The following ARHGEF28 variants were observed in gnomAD, a reference collection of about 807,000 sequenced individuals.
ARHGEF28 encodes Rho guanine nucleotide exchange factor 28.
A neutral mutation model predicts 206.6 loss-of-function variants in ARHGEF28; 152 were observed. The ratio of observed to expected loss-of-function variants is 0.74; its 90% CI spans 0.64 to 0.84. The LOEUF is 0.84. Among genes scored for constraint, ARHGEF28 ranks in the 40% least tolerant of loss-of-function variants. The pLI is 0.00. For synonymous variants in ARHGEF28, 763 were observed against 776.4 expected (o/e 0.98, Z 0.29); for missense variants, 2,028 against 2,073.2 (o/e 0.98, Z 0.42).
intron 9 of ARHGEF28, among the ~76,000 whole-genome samples, chr5:73,819,433 T>C (rs1244439539): frequency 6.6e-6 from 1 of 152,176 alleles, no homozygotes; most frequent in African/African-American, 2.4e-5. Context: ...GTCACAATGA[T>C]TGGCCTGGGT....
chr5:73,760,996 T>G (rs973088159), intron 4 of ARHGEF28, among the ~76,000 whole-genome samples: 1 of 152,118 alleles, frequency 6.6e-6, no homozygotes. Flanking sequence ...GAACGTAGAG[T>G]TGGATTCCGG....
chr5:73,817,039 C>T (rs6889010), intron 9 of ARHGEF28, among the ~76,000 whole-genome samples: 66,792 of 151,900 alleles, frequency 0.44, 14,779 homozygotes, highest in East Asian at 0.55. Flanking sequence ...TTGAAAAATA[C>T]AGGAATTAGG....
chr5:73,911,742 C>T, intron 35 of ARHGEF28, 167 bp downstream of exon 35: 1 of 734,374 alleles, frequency 1.4e-6, no homozygotes, highest in Non-Finnish European at 2.2e-6. Context: ...AGTCTGGGGA[C>T]AGCCTTTGCT....
chr5:73,755,636 T>A (rs903857840), intron 4 of ARHGEF28, among the ~76,000 whole-genome samples: 3 of 152,208 alleles, frequency 2.0e-5, no homozygotes, highest in African/African-American at 4.8e-5. Flanking sequence ...ACATTCATAC[T>A]CTCTAGTATT....
At chr5:73,748,288 A>G (rs1278587934) in intron 2 of ARHGEF28, among the ~76,000 whole-genome samples, 3 of 152,198 alleles carry the variant, frequency 2.0e-5, no homozygotes, top group Non-Finnish European at 4.4e-5. Flanking sequence ...TTATGTGTGC[A>G]CATACACACG....
At chr5:73,911,088 G>A (rs1296032258) in intron 34 of ARHGEF28, among the ~76,000 whole-genome samples, 187 bp from the exon 35 acceptor site, 1 of 152,158 alleles carries the variant, frequency 6.6e-6, no homozygotes, top group Non-Finnish European at 1.5e-5. Context: ...GCCATGCATA[G>A]CAAATTGAAG....
chr5:73,823,558 T>A (rs1259132528), intron 9 of ARHGEF28, among the ~76,000 whole-genome samples: 1 of 152,200 alleles, frequency 6.6e-6, no homozygotes, highest in Non-Finnish European at 1.5e-5. Context: ...GTTGTTGTAC[T>A]CTTAAACAAA....
chr5:73,933,557 A>G (rs1236482292), intron 35 of ARHGEF28, among the ~76,000 whole-genome samples: 1 of 152,242 alleles, frequency 6.6e-6, no homozygotes, highest in African/African-American at 2.4e-5. Context: ...GACTGTTGGA[A>G]TAACAGAACC....
In ARHGEF28 at chr5:73,867,873, C is replaced by T; in HGVS notation, c.2153-3C>T. 1.9e-6 allele frequency: 3 copies of T among 1,613,922 alleles called. No individual in the cohort carries two copies. Among genetic ancestry groups the T allele is most frequent in the Non-Finnish European group, 2.5e-6 (3 of 1,179,866 alleles). On this transcript the variant is annotated splice_polypyrimidine_tract_variant and splice_region_variant and intron_variant, in intron 18 of 35. Coordinates refer to ENST00000513042, the MANE Select transcript of ARHGEF28 (RefSeq NM_001177693.2). ...CACATGAAGCATCTGTTCTGATTTC[C>T]AGATTCTTCATTTAGAGACATCCCA...
chr5:73,755,389 C>T (rs1309871103), intron 4 of ARHGEF28, among the ~76,000 whole-genome samples: 1 of 152,052 alleles, frequency 6.6e-6, no homozygotes, highest in East Asian at 1.9e-4. Flanking sequence ...AAGAGCATCA[C>T]AGCCTCACGC....
At chr5:73,756,674 T>C (rs573038830) in intron 4 of ARHGEF28, among the ~76,000 whole-genome samples, 1 of 152,338 alleles carries the variant, frequency 6.6e-6, no homozygotes, top group East Asian at 1.9e-4. Flanking sequence ...TTTAGATTGG[T>C]AGGTCTTAAC....
chr5:73,708,480 T>A (rs902894231), intron 2 of ARHGEF28, among the ~76,000 whole-genome samples: 2 of 152,194 alleles, frequency 1.3e-5, no homozygotes, highest in African/African-American at 2.4e-5. Context: ...CTGCATTAAT[T>A]TGCTTAGGAT....
intron 2 of ARHGEF28, among the ~76,000 whole-genome samples, chr5:73,702,423 C>T (rs1188576729): frequency 1.3e-5 from 2 of 152,148 alleles, no homozygotes; most frequent in Non-Finnish European, 2.9e-5. Flanking sequence ...AGTGATAACT[C>T]CTCATCCTTC....
chr5:73,897,937 T>C, intron 29 of ARHGEF28, 25 bp from the exon 30 acceptor site: 1 of 1,548,154 alleles, frequency 6.5e-7, no homozygotes, highest in South Asian at 1.2e-5. Context: ...TTTTTTAGAT[T>C]TATTTTTGTT....
intron 16 of ARHGEF28, among the ~76,000 whole-genome samples, chr5:73,863,756 G>A (rs1759538872): frequency 6.6e-6 from 1 of 151,424 alleles, no homozygotes; most frequent in Non-Finnish European, 1.5e-5. Flanking sequence ...GGTATCTTAG[G>A]GTATCTACAT....
chr5:73,846,010 AGAAAGAAAGAAAGAAAAT>A (rs1758329368), intron 11 of ARHGEF28, among the ~76,000 whole-genome samples: 1 of 143,710 alleles, frequency 7.0e-6, no homozygotes, highest in Non-Finnish European at 1.5e-5. Context: ...AAAAAAAAAA[AGAAAGAAAGAAAGAAAAT>A]GAAAGAAAGA....
At chr5:73,823,948 C>T (rs2112543284) in intron 9 of ARHGEF28, among the ~76,000 whole-genome samples, 1 of 152,250 alleles carries the variant, frequency 6.6e-6, no homozygotes, top group South Asian at 2.1e-4. Context: ...CATACAGTGC[C>T]TGGTTCAGAG....
intron 1 of ARHGEF28, among the ~76,000 whole-genome samples, chr5:73,669,562 T>G (rs1054878234): frequency 1.3e-5 from 2 of 152,260 alleles, no homozygotes; most frequent in Admixed American, 1.3e-4. Context: ...TTGTATACTC[T>G]GCCTAGTTCC....
At chr5:73,870,044 C>T in intron 20 of ARHGEF28, 25 bp from the exon 21 acceptor site, 1 of 1,603,806 alleles carries the variant, frequency 6.2e-7, no homozygotes. Flanking sequence ...GTACTTCTGG[C>T]TTTTCTTTTC....
Sources: gnomAD v4.1 joint callset for allele counts (sites outside exome capture counted in the v4.1 genomes callset) on GRCh38, gnomAD v4.1.1 for gene constraint, MANE v1.5 for transcripts, NCBI Gene and HGNC (gene_info 2026-07-23, HGNC 2026-07-21) for gene names.